The following ABLIM1 variants were observed in gnomAD, a reference collection of about 807,000 sequenced individuals.
The protein encoded by ABLIM1 is actin-binding LIM protein 1.
ABLIM1 carries 40 observed loss-of-function variants against 107.0 expected under a neutral mutation model. The observed-to-expected ratio is 0.37, with a 90% CI of 0.29 to 0.49. The LOEUF is 0.49. ABLIM1 is among the 20% of genes least tolerant of loss of function. The pLI, the probability that ABLIM1 is intolerant of heterozygous loss-of-function variation, is 0.97. For synonymous variants in ABLIM1, 357 were observed against 357.3 expected (o/e 1.00, Z 0.01); for missense variants, 857 against 1,008.5 (o/e 0.85, Z 2.04).
intron 4 of ABLIM1, among the ~76,000 whole-genome samples, chr10:114,563,525 A>C (rs915616969): frequency 6.6e-6 from 1 of 152,134 alleles, no homozygotes; most frequent in Non-Finnish European, 1.5e-5. Context: ...TAGTAATATA[A>C]TACGTTAAGT....
chr10:114,615,815 GAA>G (rs535466258), intron 1 of ABLIM1, among the ~76,000 whole-genome samples: 1 of 128,052 alleles, frequency 7.8e-6, no homozygotes. Context: ...CTCTGACTCA[GAA>G]AAAAAAAAAA....
Position 114,631,608 on chromosome 10 carries a change from G to A in ABLIM1, c.244+26349C>T, listed in dbSNP as rs149372421. Among the ~76,000 whole-genome samples, 324 of 152,132 alleles carry A rather than the reference G, an allele frequency of 2.1e-3. 1 individual carries two copies. Among genetic ancestry groups the A allele is most frequent in the African/African-American group, 6.7e-3 (280 of 41,498 alleles). On this transcript the variant is annotated intron_variant, in intron 1 of 22. Coordinates refer to ENST00000533213, the MANE Select transcript of ABLIM1 (RefSeq NM_002313.7). ...TGATGGCTGGGATGGGGGGCAAGAC[G>A]GCGAGTCTCAAACACAACAAAAAAT...
At chr10:114,727,339 T>C (rs1228260743) in intron 1 of ABLIM1, among the ~76,000 whole-genome samples, 3 of 152,204 alleles carry the variant, frequency 2.0e-5, no homozygotes, top group African/African-American at 7.2e-5. Context: ...CAAAAGAGTA[T>C]AATGCGATAT....
chr10:114,513,040 C>G (rs1160744340), intron 6 of ABLIM1, among the ~76,000 whole-genome samples: 1 of 151,494 alleles, frequency 6.6e-6, no homozygotes, highest in Non-Finnish European at 1.5e-5. Flanking sequence ...CCTGTACTCT[C>G]CATCCATCCT....
At chr10:114,450,693 C>T (rs750828464) in intron 14 of ABLIM1, among the ~76,000 whole-genome samples, 3 of 152,044 alleles carry the variant, frequency 2.0e-5, no homozygotes, top group African/African-American at 4.8e-5. Context: ...CCACCTGCCT[C>T]GGCCTCCCAC....
chr10:114,445,504 G>T, intron 15 of ABLIM1, 101 bp from the exon 16 acceptor site: 1 of 1,017,298 alleles, frequency 9.8e-7, no homozygotes, highest in Non-Finnish European at 1.5e-6. Flanking sequence ...GGCAAGGTCA[G>T]CAACGGTCTT....
At chr10:114,633,553 G>A (rs2078307523) in intron 1 of ABLIM1, among the ~76,000 whole-genome samples, 1 of 152,068 alleles carries the variant, frequency 6.6e-6, no homozygotes, top group Admixed American at 6.6e-5. Context: ...CCGCACCCAT[G>A]GCAGCCCCAT....
chr10:114,547,727 C>G lies in ABLIM1; in HGVS notation c.723G>C (p.Ala241=). ...RDIKNGQALL[A]LDKQWHLGCF... ...ACCCCAAGTGCCACTGCTTATCCAG[C>G]GCCAGCAGCGCCTGCCCATTCTTGA... The change falls in exon 5 of 23, where the codon GCG becomes GCC. Residue 241 remains alanine, a synonymous_variant. Coordinates refer to ENST00000533213, the MANE Select transcript of ABLIM1 (RefSeq NM_002313.7). 1.9e-6 allele frequency: 3 copies of G among 1,613,162 alleles called. No homozygotes were observed. The highest frequency in any genetic ancestry group is 2.5e-6 in the Non-Finnish European group (3 of 1,180,036).
intron 8 of ABLIM1, among the ~76,000 whole-genome samples, chr10:114,479,837 C>T (rs1410148541): frequency 6.6e-6 from 1 of 152,160 alleles, no homozygotes; most frequent in Non-Finnish European, 1.5e-5. Flanking sequence ...ATCTAGAATT[C>T]CAAACATGTT....
At chr10:114,482,239 C>T (rs558082518) in intron 8 of ABLIM1, among the ~76,000 whole-genome samples, 3 of 152,260 alleles carry the variant, frequency 2.0e-5, no homozygotes, top group African/African-American at 4.8e-5. Context: ...AACCAGAATA[C>T]GTTTTTCTTA....
chr10:114,504,282 C>T lies in ABLIM1; in HGVS notation c.895-12404G>A, dbSNP rs556225952. Among the ~76,000 whole-genome samples the T allele has an allele frequency of 3.9e-5, 6 of 152,194 alleles. No individual in the cohort carries two copies. The East Asian group carries it at 5.8e-4, about 15-fold the overall frequency. The stretch of plus-strand genomic sequence containing the variant: ...TTTAATCCATCCAACACTTGGTGGG[C>T]GCCTGTTATTCTTATGCCTGTCTGT... On this transcript the variant is annotated intron_variant, in intron 6 of 22. Transcript: ENST00000533213.
intron 2 of ABLIM1, among the ~76,000 whole-genome samples, chr10:114,589,217 GTT>G (rs780535293): frequency 1.5e-5 from 2 of 136,156 alleles, no homozygotes; most frequent in African/African-American, 2.7e-5. Flanking sequence ...GTGTGTGTGT[GTT>G]TTTTTTTTTT....
At chr10:114,794,839 T>C in the ABLIM1 span, among the ~76,000 whole-genome samples, 1 of 152,204 alleles carries the variant, frequency 6.6e-6, no homozygotes, top group Non-Finnish European at 1.5e-5. Context: ...TCTATTTTTT[T>C]CAAGTATAGT....
At chr10:114,572,387 C>G (rs2071822341) in intron 3 of ABLIM1, among the ~76,000 whole-genome samples, 1 of 152,182 alleles carries the variant, frequency 6.6e-6, no homozygotes, top group Non-Finnish European at 1.5e-5. Flanking sequence ...CCCTCAGTAG[C>G]CTAACAATTG....
intron 8 of ABLIM1, among the ~76,000 whole-genome samples, chr10:114,481,319 T>C (rs1426294066): frequency 1.3e-5 from 2 of 151,662 alleles, no homozygotes; most frequent in Non-Finnish European, 1.5e-5. Context: ...ATGCAACAAC[T>C]ATATTCATCT....
chr10:114,723,701 A>G (rs755286193), intron 1 of ABLIM1, among the ~76,000 whole-genome samples: 1 of 152,228 alleles, frequency 6.6e-6, no homozygotes, highest in Non-Finnish European at 1.5e-5. Context: ...TTTCAGTGGA[A>G]AAGTATGCTT....
intron 6 of ABLIM1, among the ~76,000 whole-genome samples, chr10:114,515,113 C>T (rs983913344): frequency 3.9e-5 from 6 of 152,194 alleles, no homozygotes; most frequent in Non-Finnish European, 7.3e-5. Context: ...TAAGTCATGA[C>T]AAGGGTCATT....
chr10:114,687,233 G>C (rs947782595), upstream of ABLIM1, among the ~76,000 whole-genome samples: 14 of 152,196 alleles, frequency 9.2e-5, no homozygotes, highest in African/African-American at 3.4e-4. Context: ...AAGATAAGAA[G>C]CATTTCCTGA....
chr10:114,797,041 T>C, the ABLIM1 span, among the ~76,000 whole-genome samples: 63,002 of 152,132 alleles, frequency 0.41, 14,136 homozygotes, highest in Non-Finnish European at 0.51. Context: ...TCAACAAAAC[T>C]GTCCAACTTC....
Sources: allele counts gnomAD v4.1 joint callset (sites outside exome capture counted in the v4.1 genomes callset), GRCh38; gene constraint gnomAD v4.1.1; transcripts MANE v1.5; gene names NCBI Gene and HGNC (gene_info 2026-07-23, HGNC 2026-07-21).